The following CROCC2 variants were observed in gnomAD, a reference collection of about 807,000 sequenced individuals.
CROCC2 encodes the protein ciliary rootlet coiled-coil, rootletin family member 2.
In CROCC2, 163 loss-of-function variants were observed where a neutral mutation model predicts 177.6. The ratio of observed to expected loss-of-function variants is 0.92; its 90% CI spans 0.81 to 1.05. The LOEUF (loss-of-function observed/expected upper bound fraction) is 1.05. Ranked by LOEUF, CROCC2 falls within the 50% of genes least tolerant of loss-of-function variation. The probability of loss-of-function intolerance (pLI) is 0.00; values close to 1 mark genes in which losing one functional copy is unlikely to be tolerated. For missense variants in CROCC2, 1,929 were observed against 1,797.8 expected (o/e 1.07, Z -1.32); for synonymous variants, 904 against 787.3 (o/e 1.15, Z -2.48).
intron 27 of CROCC2, chr2:240,981,412 C>T (rs1189646760): frequency 6.6e-6 from 1 of 152,282 alleles, no homozygotes; most frequent in Non-Finnish European, 1.5e-5. Flanking sequence ...TTTGTTTTGC[C>T]AGCCTGCCTC....
In CROCC2 at chr2:240,932,874, G is replaced by A. The variant is rs913075790; in HGVS notation, c.1217G>A (p.Arg406Gln). The A allele has an allele frequency of 1.4e-5, 22 of 1,547,214 alleles. No homozygotes were observed. The African/African-American group carries it at 1.8e-4, about 13-fold the overall frequency. Residue 406 changes from arginine to glutamine, a missense_variant, in exon 9 of 32, where the codon CGG becomes CAG. This residue lies in a region of CROCC2 where 1,397 missense variants were observed against 1,239.9 expected (regional missense o/e 1.13). Coordinates refer to ENST00000690015, the MANE Select transcript of CROCC2 (RefSeq NM_001351305.2). ...ATLDPALQAM[R>Q]AAIERRWRRE... is the part of the protein sequence containing the mutation. ...CTGGACCCCGCACTGCAGGCCATGCGGGCAGCCATAGAGAGGCGGTGGCGG... is the reference window on the plus strand; with the variant it reads ...CTGGACCCCGCACTGCAGGCCATGCAGGCAGCCATAGAGAGGCGGTGGCGG...
At position 240,982,790 on chromosome 2, in the gene CROCC2, G is replaced by T. The variant is rs2059809824; in HGVS notation, c.4402-90G>T. ...CCCAGCGATACGGTCCTGCCAGACG[G>T]TCTAGGCAGATGCCCTGAGGCCAGG... On this transcript the variant is annotated intron_variant, in intron 27 of 31. Transcript: ENST00000690015. The surrounding 1 kb of genome is among the most constrained non-coding windows in gnomAD (Gnocchi z 4.7). 3 of 1,177,968 alleles carry T rather than the reference G, an allele frequency of 2.5e-6. No homozygotes were observed. In the East Asian group the frequency reaches 7.7e-5, roughly 30 times the overall value. 73.0% of individuals were successfully genotyped at this position (1,177,968 alleles called of 1,614,324 possible). A position where few individuals can be genotyped will look rare whatever the true frequency, so the allele number is the denominator to read the frequency against.
chr2:240,990,953 C>T (rs1046910406), intron 30 of CROCC2, among the ~76,000 whole-genome samples: 2 of 152,266 alleles, frequency 1.3e-5, no homozygotes, highest in African/African-American at 4.8e-5. Flanking sequence ...GGTGGCCATA[C>T]TCCTGAGGCC....
intron 1 of CROCC2, among the ~76,000 whole-genome samples, chr2:240,912,996 G>C (rs902148177): frequency 3.9e-5 from 6 of 152,168 alleles, no homozygotes; most frequent in Non-Finnish European, 7.3e-5. Context: ...CAAGCCAGAG[G>C]CAGATGCTCA....
chr2:240,983,498 C>T, intron 28 of CROCC2: 1 of 1,243,518 alleles, frequency 8.0e-7, no homozygotes, highest in Non-Finnish European at 1.0e-6. Context: ...GCGCGTCCTG[C>T]AGGAGCAGAC....
chr2:240,972,606 C>A lies in CROCC2; in HGVS notation c.4401+4344C>A, dbSNP rs1020110938. Among the ~76,000 whole-genome samples the A allele has an allele frequency of 6.6e-6, 1 of 151,860 alleles. No individual in the cohort carries two copies. Among genetic ancestry groups the A allele is most frequent in the African/African-American group, 2.4e-5 (1 of 41,332 alleles). ...CAATGAGTGCAGAGGACGTCTCTGACATTGACCAGACCTTTGTCTGTATGC... is the reference window on the plus strand; with the variant it reads ...CAATGAGTGCAGAGGACGTCTCTGAAATTGACCAGACCTTTGTCTGTATGC... On this transcript the variant is annotated intron_variant, in intron 27 of 31. Transcript: ENST00000690015. This position sits in a 1 kb window ranked among gnomAD's most constrained non-coding sequence, Gnocchi z 7.1.
rs1050978958 is a variant in CROCC2, at chr2:240,920,040, T to C, written c.287T>C (p.Leu96Pro). ...CGAGTGCAAGAGGAGAACGAGCTCC[T>C]GCAGGAGGAGCTGACCCGGCTGGGG... is the stretch of plus-strand genomic sequence containing the variant. ...VARVQEENELLQEELTRLGDL... is the reference protein window; with the variant it reads ...VARVQEENELPQEELTRLGDL... Residue 96 changes from leucine (L) to proline (P), a missense_variant, in exon 3 of 32, where the codon CTG becomes CCG. Physicochemically the swap from Leu to Pro is moderately conservative, Grantham distance 98 (BLOSUM62 -3). Around this residue, in one of 3 missense-constraint regions of CROCC2, gnomAD observed 1,397 missense variants for 1,239.9 expected, o/e 1.13. Coordinates refer to ENST00000690015, the MANE Select transcript of CROCC2 (RefSeq NM_001351305.2). 9 of 716,392 alleles carry C rather than the reference T, an allele frequency of 1.3e-5. No homozygotes were observed. In the South Asian group the frequency reaches 1.3e-4, roughly 11 times the overall value. 44.4% of individuals were successfully genotyped at this position (716,392 alleles called of 1,614,324 possible).
At chr2:240,920,450 T>G (rs748877081) in intron 3 of CROCC2, among the ~76,000 whole-genome samples, 10 of 152,140 alleles carry the variant, frequency 6.6e-5, no homozygotes, top group Non-Finnish European at 1.0e-4. Flanking sequence ...GGGAGCCCTG[T>G]GGGGTGGCCT....
In CROCC2 at chr2:240,969,874, G is replaced by T. The variant is rs1350191544; in HGVS notation, c.4401+1612G>T. 3.9e-5 allele frequency among the ~76,000 whole-genome samples: 6 copies of T among 151,934 alleles called. No homozygotes were observed. In the East Asian group the frequency reaches 1.2e-3, roughly 29 times the overall value. On this transcript the variant is annotated intron_variant, in intron 27 of 31. Coordinates refer to ENST00000690015, the MANE Select transcript of CROCC2 (RefSeq NM_001351305.2). Reference sequence around the variant, plus strand: ...GCTTCCCAAGTAGTCGGGATTACAGGCACCCGCCAATACACCTAATTTTTT... The same window carrying T: ...GCTTCCCAAGTAGTCGGGATTACAGTCACCCGCCAATACACCTAATTTTTT...
intron 14 of CROCC2, among the ~76,000 whole-genome samples, chr2:240,940,346 A>G (rs918456045): frequency 1.3e-5 from 2 of 151,832 alleles, no homozygotes; most frequent in Non-Finnish European, 2.9e-5. Flanking sequence ...CTCTAGCAAT[A>G]CTCTTTTTTG....
rs1002501718 is a variant in CROCC2, at chr2:240,972,352, C to T, written c.4401+4090C>T. On this transcript the variant is annotated intron_variant, in intron 27 of 31. Coordinates refer to ENST00000690015, the MANE Select transcript of CROCC2 (RefSeq NM_001351305.2). The surrounding 1 kb of genome is among the most constrained non-coding windows in gnomAD (Gnocchi z 7.1). ...GGAGCTGTTCTGTTCCTGAAGTGGGCGGGGTGGGAGCGGCGCTCTCCGGTG... is the reference window on the plus strand; with the variant it reads ...GGAGCTGTTCTGTTCCTGAAGTGGGTGGGGTGGGAGCGGCGCTCTCCGGTG... Among the ~76,000 whole-genome samples the T allele has an allele frequency of 2.6e-5, 4 of 152,062 alleles. No individual in the cohort carries two copies. Among genetic ancestry groups the T allele is most frequent in the Non-Finnish European group, 4.4e-5 (3 of 68,004 alleles).
At chr2:240,988,643 C>A in intron 28 of CROCC2, 96 bp from the exon 29 acceptor site, 1 of 1,224,602 alleles carries the variant, frequency 8.2e-7, no homozygotes. Flanking sequence ...AATTCAGAGT[C>A]CTTCCCAGAG....
rs1262486328 is a variant in CROCC2, at chr2:240,935,572, A to G, written c.2153A>G (p.Gln718Arg). The change falls in exon 14 of 32, where the codon CAG becomes CGG. Residue 718 changes from glutamine to arginine, a missense_variant. Physicochemically the swap from Gln to Arg is conservative, Grantham distance 43. This residue lies in a region of CROCC2 where 1,397 missense variants were observed against 1,239.9 expected (regional missense o/e 1.13). Coordinates refer to ENST00000690015, the MANE Select transcript of CROCC2 (RefSeq NM_001351305.2). ...CTGGGGCGAGAGAAGGCCCAGCTCC[A>G]GGAGCAGGTGGGCCAGGTGAGGACG... is the stretch of plus-strand genomic sequence containing the variant. ...ALLGREKAQL[Q>R]EQVGQVTCQK... 5 of 1,354,600 alleles carry G rather than the reference A, an allele frequency of 3.7e-6. No individual in the cohort carries two copies. The highest frequency in any genetic ancestry group is 4.7e-6 in the Non-Finnish European group (5 of 1,053,610). The allele number at this position is 1,354,600 out of a possible 1,614,324, so 83.9% of individuals were successfully genotyped here.
At chr2:240,981,751 CA>C (rs376079855) in intron 27 of CROCC2, 11,561 of 146,700 alleles carry the variant, frequency 0.079, 534 homozygotes, top group Middle Eastern at 0.16. Context: ...AGTGTCGGAC[CA>C]AAAAAAAAAG....
Position 240,950,340 on chromosome 2 carries a change from C to G in CROCC2, c.2659C>G (p.Leu887Val). The change falls in exon 18 of 32, where the codon CTG (leucine) becomes GTG (valine). Residue 887 changes from leucine (L) to valine (V), a missense_variant. Physicochemically the swap from Leu to Val is conservative, Grantham distance 32 (BLOSUM62 1). This residue lies in a region of CROCC2 where 1,397 missense variants were observed against 1,239.9 expected (regional missense o/e 1.13). Coordinates refer to ENST00000690015, the MANE Select transcript of CROCC2 (RefSeq NM_001351305.2). The part of the protein sequence containing the change: ...LAQLQREKET[L>V]SLTLAEEKEV... ...TCCCTTTACCTTGGCCCAGGAGACC[C>G]TGAGCCTGACCCTGGCAGAGGAGAA... 6.5e-7 allele frequency: 1 copy of G among 1,549,670 alleles called. No homozygotes were observed. The highest frequency in any genetic ancestry group is 1.4e-5 in the African/African-American group (1 of 73,150).
intron 5 of CROCC2, chr2:240,929,553 A>G (rs967827411): frequency 2.4e-6 from 1 of 411,584 alleles, no homozygotes; most frequent in Non-Finnish European, 4.9e-6. Flanking sequence ...CAGCCTAATC[A>G]CTGGCCTTGT....
chr2:240,966,985 G>A (rs765512702), intron 25 of CROCC2, among the ~76,000 whole-genome samples: 6 of 151,762 alleles, frequency 4.0e-5, no homozygotes, highest in African/African-American at 1.2e-4. Flanking sequence ...GCAGGGTCCC[G>A]TCTGCACTCA....
At chr2:240,907,284 C>A (rs2059261787) in intron 1 of CROCC2, among the ~76,000 whole-genome samples, 1 of 152,072 alleles carries the variant, frequency 6.6e-6, no homozygotes, top group African/African-American at 2.4e-5. Context: ...TGGGAATTGT[C>A]CCGTGTCCCT....
chr2:240,973,014 C>T lies in CROCC2; in HGVS notation c.4401+4752C>T, dbSNP rs1174293159. Among the ~76,000 whole-genome samples, 1 of 152,146 alleles carries T rather than the reference C, an allele frequency of 6.6e-6. No homozygotes were observed. The highest frequency in any genetic ancestry group is 1.9e-4 in the East Asian group (1 of 5,130). ...ATGCCCCTTGCTGAGCAGGGGGGTG[C>T]TAGGGTCCAGTAGGGCAGGCCTGGT... is the stretch of plus-strand genomic sequence containing the variant. On this transcript the variant is annotated intron_variant, in intron 27 of 31. Coordinates refer to ENST00000690015, the MANE Select transcript of CROCC2 (RefSeq NM_001351305.2). This position sits in a 1 kb window ranked among gnomAD's most constrained non-coding sequence, Gnocchi z 4.7.
Sources: allele counts gnomAD v4.1 joint callset (sites outside exome capture counted in the v4.1 genomes callset), GRCh38; gene constraint gnomAD v4.1.1; regional missense constraint gnomAD v4.1.1; non-coding constraint Gnocchi (gnomAD v3.1); transcripts MANE v1.5; gene names NCBI Gene and HGNC (gene_info 2026-07-23, HGNC 2026-07-21).